Variants in MRPL47 observed in about 807,000 individuals in gnomAD.
MRPL47 encodes large ribosomal subunit protein uL29m.
Under a neutral mutation model 34.0 loss-of-function variants are expected in MRPL47, and 31 were observed. The observed-to-expected ratio is 0.91, with a 90% CI of 0.68 to 1.23. The LOEUF is 1.23. Ranked by LOEUF, MRPL47 falls within the 50% of genes most tolerant of loss-of-function variation. The probability of loss-of-function intolerance (pLI) is 0.00; values close to 1 mark genes in which losing one functional copy is unlikely to be tolerated. For synonymous variants in MRPL47, 106 were observed against 101.6 expected (o/e 1.04, Z -0.26); for missense variants, 328 against 285.8 (o/e 1.15, Z -1.07).
intron 6 of MRPL47, among the ~76,000 whole-genome samples, chr3:179,589,693 CAA>C (rs943002538): frequency 4.0e-5 from 6 of 151,386 alleles, no homozygotes; most frequent in South Asian, 2.1e-4. Flanking sequence ...GGAAAAAAGA[CAA>C]TACAATATGC....
chr3:179,595,052 T>C (rs1718762959), intron 4 of MRPL47, among the ~76,000 whole-genome samples: 1 of 152,118 alleles, frequency 6.6e-6, no homozygotes, highest in Non-Finnish European at 1.5e-5. Flanking sequence ...ATCAGTTTTG[T>C]TTTTGTTTTT....
At chr3:179,593,738 A>G (rs762216563) in intron 5 of MRPL47, 27 bp downstream of exon 5, 3 of 1,591,730 alleles carry the variant, frequency 1.9e-6, no homozygotes, top group African/African-American at 2.7e-5. Flanking sequence ...CTCTCATCTT[A>G]GAAGAGCCAC....
At position 179,595,778 on chromosome 3, in the gene MRPL47, G is replaced by A. The variant is rs201987101; in HGVS notation, c.403-1883C>T. Among the ~76,000 whole-genome samples the A allele has an allele frequency of 4.6e-5, 7 of 152,198 alleles. No homozygotes were observed. The East Asian group carries it at 1.3e-3, about 29-fold the overall frequency. On this transcript the variant is annotated intron_variant, in intron 4 of 6. Coordinates refer to ENST00000476781, the MANE Select transcript of MRPL47 (RefSeq NM_020409.3). ...AAGTATTATTTAGATATACCTTATT[G>A]AAAACAAGTCAACCTCAAAGAGCCT...
intron 4 of MRPL47, among the ~76,000 whole-genome samples, chr3:179,595,046 GTTTTGT>G (rs1469645256): frequency 1.3e-5 from 2 of 152,062 alleles, no homozygotes; most frequent in Admixed American, 6.6e-5. Flanking sequence ...TTCATAATCA[GTTTTGT>G]TTTTGTTTTT....
In MRPL47 at chr3:179,588,746, A is replaced by G; in HGVS notation, c.*126T>C. 1.1e-6 allele frequency: 1 copy of G among 917,800 alleles called. No homozygotes were observed. Among genetic ancestry groups the G allele is most frequent in the Non-Finnish European group, 1.6e-6 (1 of 618,882 alleles). 56.9% of individuals were successfully genotyped at this position (917,800 alleles called of 1,614,324 possible). A position where few individuals can be genotyped will look rare whatever the true frequency, so the allele number is the denominator to read the frequency against. ...TAATTAGCATGCCATATTCACACTT[A>G]GAACAACTGATTAGTAAAGTCACTT... is the stretch of plus-strand genomic sequence containing the variant. On this transcript the variant is annotated 3_prime_UTR_variant, in exon 7 of 7. Coordinates refer to ENST00000476781, the MANE Select transcript of MRPL47 (RefSeq NM_020409.3).
intron 4 of MRPL47, among the ~76,000 whole-genome samples, chr3:179,597,883 TA>T (rs1043403240): frequency 7.9e-5 from 12 of 152,290 alleles, no homozygotes; most frequent in African/African-American, 2.9e-4. Flanking sequence ...CTATTACACT[TA>T]AAAATGGTCA....
chr3:179,604,097 C>T (rs566748936), intron 1 of MRPL47, among the ~76,000 whole-genome samples: 21 of 152,184 alleles, frequency 1.4e-4, no homozygotes, highest in Non-Finnish European at 2.6e-4. Context: ...AAAGAAGTTA[C>T]TAAGTTACCA....
rs935014522 is a variant in MRPL47 at position 179,598,548 on chromosome 3, C to T, written c.402+127G>A. 5.1e-5 allele frequency: 33 copies of T among 644,944 alleles called. No individual in the cohort carries two copies. The African/African-American group carries it at 5.3e-4, about 10-fold the overall frequency. 40.0% of individuals were successfully genotyped at this position (644,944 alleles called of 1,614,324 possible). The stretch of plus-strand genomic sequence containing the variant: ...CAAAGGAGCTATGATGGTTGCACTA[C>T]TCAAATTTACTAAAAATCAAACGAA... On this transcript the variant is annotated intron_variant, in intron 4 of 6. Transcript: ENST00000476781.
At chr3:179,597,292 G>T (rs1038378975) in intron 4 of MRPL47, among the ~76,000 whole-genome samples, 1 of 152,128 alleles carries the variant, frequency 6.6e-6, no homozygotes. Flanking sequence ...TACCTTCTTT[G>T]ATTTTCTCCA....
Position 179,593,878 on chromosome 3 carries a change from A to G in MRPL47, c.420T>C (p.Asp140=). 6.2e-7 allele frequency: 1 copy of G among 1,612,670 alleles called. No individual in the cohort carries two copies. Among genetic ancestry groups the G allele is most frequent in the Non-Finnish European group, 8.5e-7 (1 of 1,179,230 alleles). The change falls in exon 5 of 7, where the codon GAT becomes GAC. Residue 140 remains aspartate, a synonymous_variant. Coordinates refer to ENST00000476781, the MANE Select transcript of MRPL47 (RefSeq NM_020409.3). ...ERLDKVVDSM[D]ALDKVVQERE... ...TTTCCTGGACAACTTTATCTAATGC[A>G]TCCATGGAATCTACTACCTGAAAAG...
At chr3:179,591,150 A>G (rs768572291) in intron 6 of MRPL47, among the ~76,000 whole-genome samples, 2 of 152,198 alleles carry the variant, frequency 1.3e-5, no homozygotes, top group Non-Finnish European at 2.9e-5. Context: ...GTATTATTCA[A>G]GAGTTGTTAA....
At position 179,595,231 on chromosome 3, in the gene MRPL47, A is replaced by G. The variant is rs369155341; in HGVS notation, c.403-1336T>C. ...CGACTAATTTTTGTATTTTTTTGGT[A>G]GAGACAGGGTTTTGCCATGTAGCCC... On this transcript the variant is annotated intron_variant, in intron 4 of 6. Transcript: ENST00000476781. Among the ~76,000 whole-genome samples, 6 of 152,046 alleles carry G rather than the reference A, an allele frequency of 3.9e-5. No individual in the cohort carries two copies. The East Asian group carries it at 5.8e-4, about 15-fold the overall frequency.
At chr3:179,593,730 C>T in intron 5 of MRPL47, 35 bp downstream of exon 5, 1 of 1,575,166 alleles carries the variant, frequency 6.3e-7, no homozygotes, top group Non-Finnish European at 8.6e-7. Flanking sequence ...GATTTCCACT[C>T]TCATCTTAGA....
chr3:179,593,745 CCA>C lies in MRPL47; in HGVS notation c.533+18_533+19del, dbSNP rs756012248. The C allele has an allele frequency of 5.6e-6, 9 of 1,597,574 alleles. No individual in the cohort carries two copies. Among genetic ancestry groups the C allele is most frequent in the Non-Finnish European group, 7.7e-6 (9 of 1,174,082 alleles). On this transcript the variant is annotated intron_variant, in intron 5 of 6. Coordinates refer to ENST00000476781, the MANE Select transcript of MRPL47 (RefSeq NM_020409.3). The stretch of plus-strand genomic sequence containing the variant: ...GATTTCCACTCTCATCTTAGAAGAG[CCA>C]CAGTGTTAACTACATACCAGATGAT...
intron 3 of MRPL47, among the ~76,000 whole-genome samples, chr3:179,599,790 G>C (rs891857503): frequency 1.1e-4 from 17 of 152,186 alleles, no homozygotes; most frequent in Non-Finnish European, 2.5e-4. Flanking sequence ...TGAAGCAGCA[G>C]AGCTAAAGTG....
chr3:179,602,731 A>C lies in MRPL47; in HGVS notation c.165T>G (p.Leu55=). The C allele has an allele frequency of 6.2e-7, 1 of 1,612,400 alleles. No homozygotes were observed. Among genetic ancestry groups the C allele is most frequent in the Non-Finnish European group, 8.5e-7 (1 of 1,179,302 alleles). ...GTCCTTTCCTTGACAATGTGGTATG[A>C]AGTAATCTATATTGGTGAAAGGATG... ...NVTSFHQYRL[L]HTTLSRKGLE... is the part of the protein sequence containing the mutation. Residue 55 remains leucine, a synonymous_variant, in exon 2 of 7, where the codon CTT becomes CTG. Transcript: ENST00000476781.
In MRPL47 at chr3:179,601,766, A is replaced by C. The variant is rs776718192; in HGVS notation, c.269T>G (p.Leu90Arg). Residue 90 changes from leucine to arginine, a missense_variant, in exon 3 of 7, where the codon CTA becomes CGA. Transcript: ENST00000476781. ...KSGAAWTCQQ[L>R]RNKSNEDLHK... ...TAAATCTTCATTACTTTTGTTCCTTAGTTGCTGACAGGTCCATGCTGCTCC... is the reference window on the plus strand; with the variant it reads ...TAAATCTTCATTACTTTTGTTCCTTCGTTGCTGACAGGTCCATGCTGCTCC... 2 of 1,608,930 alleles carry C rather than the reference A, an allele frequency of 1.2e-6. No homozygotes were observed. Among genetic ancestry groups the C allele is most frequent in the African/African-American group, 2.7e-5 (2 of 74,798 alleles).
chr3:179,591,542 G>C (rs2108378423), intron 6 of MRPL47, among the ~76,000 whole-genome samples: 1 of 152,242 alleles, frequency 6.6e-6, no homozygotes, highest in Non-Finnish European at 1.5e-5. Context: ...TGTTCTCCCT[G>C]TTCAATGATA....
chr3:179,598,888 G>C (rs1718857754), intron 3 of MRPL47, 117 bp from the exon 4 acceptor site: 1 of 690,274 alleles, frequency 1.4e-6, no homozygotes, highest in Non-Finnish European at 2.5e-6. Flanking sequence ...GCGAGGTGCT[G>C]TGGCTCACAC....
Sources: allele counts gnomAD v4.1 joint callset (sites outside exome capture counted in the v4.1 genomes callset), GRCh38; gene constraint gnomAD v4.1.1; transcripts MANE v1.5; gene names NCBI Gene and HGNC (gene_info 2026-07-23, HGNC 2026-07-21).